The following UBE3C variants were observed in gnomAD, a reference collection of about 807,000 sequenced individuals.
UBE3C encodes ubiquitin protein ligase E3C.
Under a neutral mutation model 129.4 loss-of-function variants are expected in UBE3C, and 42 were observed. The ratio of observed to expected loss-of-function variants is 0.32; its 90% CI spans 0.25 to 0.42. The LOEUF (loss-of-function observed/expected upper bound fraction) is 0.42, where lower values mean the gene tolerates loss of function less well. Among genes scored for constraint, UBE3C ranks in the 10% least tolerant of loss-of-function variants. UBE3C has a pLI of 1.00. For missense variants in UBE3C, 1,049 were observed against 1,319.1 expected (o/e 0.80, Z 3.17); for synonymous variants, 510 against 492.4 (o/e 1.04, Z -0.47).
intron 11 of UBE3C, among the ~76,000 whole-genome samples, chr7:157,206,705 C>T (rs1166941456): frequency 6.6e-6 from 1 of 152,164 alleles, no homozygotes; most frequent in Admixed American, 6.5e-5. Flanking sequence ...TCTCCTGCCT[C>T]AGCCTCCTAT....
At chr7:157,224,725 T>G (rs947082794) in intron 16 of UBE3C, among the ~76,000 whole-genome samples, 3 of 151,886 alleles carry the variant, frequency 2.0e-5, no homozygotes, top group African/African-American at 7.3e-5. Context: ...ACAAAAGAGT[T>G]TCTTTTGAAG....
chr7:157,154,836 C>G (rs904210527), intron 1 of UBE3C, among the ~76,000 whole-genome samples: 2 of 152,072 alleles, frequency 1.3e-5, no homozygotes, highest in Non-Finnish European at 2.9e-5. Context: ...TAAAAATGAG[C>G]TCTTGTGATT....
rs755876073 is a variant in UBE3C at position 157,186,982 on chromosome 7, C to T, written c.1292C>T (p.Thr431Met). Reference protein sequence around the residue: ...VFTTMASVCHTLMVQHRMMVP... With the variant: ...VFTTMASVCHMLMVQHRMMVP... ...ACCACCATGGCCTCCGTCTGCCACA[C>T]GCTGATGGTGCAGCACCGCATGATG... Residue 431 changes from threonine to methionine, a missense_variant, in exon 10 of 23, where the codon ACG becomes ATG. By Grantham distance (81) the Thr-to-Met change is moderately conservative. This residue lies in a region of UBE3C where 314 missense variants were observed against 416.9 expected (regional missense o/e 0.75). Coordinates refer to ENST00000348165, the MANE Select transcript of UBE3C (RefSeq NM_014671.3). 3 of 1,611,726 alleles carry T rather than the reference C, an allele frequency of 1.9e-6. No individual in the cohort carries two copies. Among genetic ancestry groups the T allele is most frequent in the East Asian group, 2.2e-5 (1 of 44,798 alleles).
At chr7:157,249,081 C>T (rs1320601772) in intron 19 of UBE3C, among the ~76,000 whole-genome samples, 2 of 152,180 alleles carry the variant, frequency 1.3e-5, no homozygotes, top group East Asian at 1.9e-4. Context: ...TTAATAACAG[C>T]TTTATCAACA....
intron 22 of UBE3C, chr7:157,263,134 A>G (rs1012953981): frequency 1.3e-5 from 2 of 152,496 alleles, no homozygotes; most frequent in African/African-American, 4.8e-5. Flanking sequence ...AACGCACTCA[A>G]GCCTCAGCAC....
intron 1 of UBE3C, among the ~76,000 whole-genome samples, chr7:157,150,736 G>T (rs1807734723): frequency 6.6e-6 from 1 of 152,200 alleles, no homozygotes; most frequent in South Asian, 2.1e-4. Flanking sequence ...ATTGCAGTCT[G>T]CATTTAAATT....
At chr7:157,267,353 C>T (rs943016879) in intron 22 of UBE3C, among the ~76,000 whole-genome samples, 3 of 152,162 alleles carry the variant, frequency 2.0e-5, no homozygotes, top group Non-Finnish European at 4.4e-5. Flanking sequence ...ACCTGGGAGG[C>T]AGAGGTTGCA....
chr7:157,186,482 G>A (rs1247682015), intron 9 of UBE3C, among the ~76,000 whole-genome samples: 3 of 151,880 alleles, frequency 2.0e-5, no homozygotes, highest in East Asian at 3.9e-4. Flanking sequence ...AAATTAAAAT[G>A]AAAATGCCAT....
chr7:157,201,891 T>A, intron 11 of UBE3C, 84 bp downstream of exon 11: 1 of 1,135,640 alleles, frequency 8.8e-7, no homozygotes, highest in Non-Finnish European at 1.3e-6. Flanking sequence ...AACCTGTTTT[T>A]AAGTCCTGTT....
chr7:157,139,482 C>A, intron 1 of UBE3C, 144 bp downstream of exon 1: 3 of 769,884 alleles, frequency 3.9e-6, no homozygotes, highest in East Asian at 3.5e-5. Flanking sequence ...GGACTCGGGG[C>A]TTCCTCGCCG....
chr7:157,204,782 C>T (rs1809386892), intron 11 of UBE3C, among the ~76,000 whole-genome samples: 1 of 152,180 alleles, frequency 6.6e-6, no homozygotes, highest in African/African-American at 2.4e-5. Flanking sequence ...CAGATGTCTT[C>T]AGTGTGGGCA....
At chr7:157,229,932 T>A (rs11976909) in intron 17 of UBE3C, among the ~76,000 whole-genome samples, 19,839 of 108,640 alleles carry the variant, frequency 0.18, 3,711 homozygotes, top group African/African-American at 0.45. Context: ...TTATTTTTTT[T>A]TTTTTTGAGA....
rs759974245 is a variant in UBE3C at position 157,178,716 on chromosome 7, G to C, written c.485G>C (p.Ser162Thr). The change falls in exon 6 of 23, where the codon AGT (serine) becomes ACT (threonine). Residue 162 changes from serine (S) to threonine (T), a missense_variant. Ser to Thr is a moderately conservative substitution (Grantham distance 58, BLOSUM62 1). Transcript: ENST00000348165. ...TTGCTGCAAAACTGTAATGATGACA[G>C]TTTGAATGTTGCACTTCCAATGAGA... ...CRLLQNCNDD[S>T]LNVALPMRML... 4.0e-5 allele frequency: 64 copies of C among 1,614,008 alleles called. No homozygotes were observed. The highest frequency in any genetic ancestry group is 1.1e-4 in the African/African-American group (8 of 74,946).
intron 19 of UBE3C, among the ~76,000 whole-genome samples, chr7:157,253,051 A>G (rs960686288): frequency 6.6e-6 from 1 of 152,156 alleles, no homozygotes; most frequent in Non-Finnish European, 1.5e-5. Context: ...GGTTTTCTTA[A>G]TAAATACTTT....
At chr7:157,236,777 G>T (rs1399860648) in intron 18 of UBE3C, among the ~76,000 whole-genome samples, 1 of 151,776 alleles carries the variant, frequency 6.6e-6, no homozygotes, top group African/African-American at 2.4e-5. Context: ...TGTTGCCCAG[G>T]CTGGAGTGCA....
At chr7:157,205,398 T>C (rs1429760945) in intron 11 of UBE3C, among the ~76,000 whole-genome samples, 1 of 152,078 alleles carries the variant, frequency 6.6e-6, no homozygotes, top group Non-Finnish European at 1.5e-5. Context: ...GCATAACTGA[T>C]GATGTGTTGG....
intron 18 of UBE3C, among the ~76,000 whole-genome samples, chr7:157,246,502 G>A (rs994088879): frequency 6.6e-6 from 1 of 152,220 alleles, no homozygotes; most frequent in Non-Finnish European, 1.5e-5. Flanking sequence ...TCTCATGGAT[G>A]AATGACTACC....
At chr7:157,196,746 A>G (rs1809130529) in intron 10 of UBE3C, among the ~76,000 whole-genome samples, 1 of 112,698 alleles carries the variant, frequency 8.9e-6, no homozygotes, top group Non-Finnish European at 1.7e-5. Context: ...AGGTGGGTGG[A>G]TCACCTGAGG....
rs1050803694 is a variant in UBE3C at position 157,250,872 on chromosome 7, C to T, written c.2694+2292C>T. ...AGTGTTGTGGTGACCTGCCTGAGGCCTTTGCTAATGCGAGTATTTCCCATT... is the reference window on the plus strand; with the variant it reads ...AGTGTTGTGGTGACCTGCCTGAGGCTTTTGCTAATGCGAGTATTTCCCATT... On this transcript the variant is annotated intron_variant, in intron 19 of 22. Coordinates refer to ENST00000348165, the MANE Select transcript of UBE3C (RefSeq NM_014671.3). 2.0e-5 allele frequency among the ~76,000 whole-genome samples: 3 copies of T among 152,216 alleles called. No individual in the cohort carries two copies. The East Asian group carries it at 5.8e-4, about 29-fold the overall frequency.
Sources: gnomAD v4.1 joint callset for allele counts (sites outside exome capture counted in the v4.1 genomes callset) on GRCh38, gnomAD v4.1.1 for gene constraint, gnomAD v4.1.1 regional missense constraint, MANE v1.5 for transcripts, NCBI Gene and HGNC (gene_info 2026-07-23, HGNC 2026-07-21) for gene names.